The following NIPBL variants were observed in gnomAD, a reference collection of about 807,000 sequenced individuals.
NIPBL encodes NIPBL cohesin loading factor, also known as nipped-B-like protein.
In NIPBL, 19 loss-of-function variants were observed where a neutral mutation model predicts 321.8. That is an observed-to-expected ratio of 0.06 (90% CI 0.04 to 0.09). The LOEUF is 0.09. Among genes scored for constraint, NIPBL ranks in the 10% least tolerant of loss-of-function variants. NIPBL has a pLI of 1.00. For synonymous variants in NIPBL, 1,106 were observed against 1,114.1 expected (o/e 0.99, Z 0.14); for missense variants, 2,210 against 3,327.0 (o/e 0.66, Z 8.26).
intron 1 of NIPBL, among the ~76,000 whole-genome samples, chr5:36,903,119 A>T (rs1747361452): frequency 6.6e-6 from 1 of 152,150 alleles, no homozygotes; most frequent in Non-Finnish European, 1.5e-5. Context: ...TTCGTTTTGT[A>T]TCCTGAAACT....
chr5:37,057,496 T>C (rs1486741130), intron 43 of NIPBL, among the ~76,000 whole-genome samples, 164 bp downstream of exon 43: 1 of 152,266 alleles, frequency 6.6e-6, no homozygotes, highest in Non-Finnish European at 1.5e-5. Flanking sequence ...GGAGAGGATG[T>C]ACATTGCCAC....
chr5:36,942,338 A>G (rs1739175478), intron 1 of NIPBL, among the ~76,000 whole-genome samples: 1 of 150,574 alleles, frequency 6.6e-6, no homozygotes, highest in South Asian at 2.1e-4. Context: ...AGACTGAGGC[A>G]CAAGAATGGC....
At chr5:36,969,701 G>A (rs750940131) in intron 6 of NIPBL, among the ~76,000 whole-genome samples, 2 of 152,112 alleles carry the variant, frequency 1.3e-5, no homozygotes, top group African/African-American at 2.4e-5. Context: ...GATCTGAATG[G>A]CCAGTACACA....
At chr5:36,913,793 T>A (rs1414730612) in intron 1 of NIPBL, among the ~76,000 whole-genome samples, 1 of 152,226 alleles carries the variant, frequency 6.6e-6, no homozygotes, top group Non-Finnish European at 1.5e-5. Context: ...AAAATCGCAT[T>A]CACTGTATAG....
rs1753694041 is a variant in NIPBL, at chr5:37,052,677, T to TTAAGTG, written c.7263+113_7263+118dup. 9.9e-6 allele frequency: 8 copies of TTAAGTG among 810,174 alleles called. No individual in the cohort carries two copies. The South Asian group carries it at 1.3e-4, about 13-fold the overall frequency. 50.2% of individuals were successfully genotyped at this position (810,174 alleles called of 1,614,324 possible). A position where few individuals can be genotyped will look rare whatever the true frequency, so the allele number is the denominator to read the frequency against. On this transcript the variant is annotated intron_variant, in intron 42 of 46. Transcript: ENST00000282516. ...TTATTAGTATATGATAGTAACTTCA[T>TTAAGTG]TAAGTGTTTTCTTAATCTTCTAAGT...
At chr5:36,914,509 T>A (rs1748305039) in intron 1 of NIPBL, among the ~76,000 whole-genome samples, 1 of 152,216 alleles carries the variant, frequency 6.6e-6, no homozygotes, top group South Asian at 2.1e-4. Flanking sequence ...GTCAAAACTT[T>A]AATGCGCAAA....
At chr5:37,056,454 G>T (rs1003828096) in intron 42 of NIPBL, among the ~76,000 whole-genome samples, 1 of 152,010 alleles carries the variant, frequency 6.6e-6, no homozygotes, top group African/African-American at 2.4e-5. Flanking sequence ...TGAAATGCTT[G>T]AATTCTCTAT....
rs767960596 is a variant in NIPBL, at chr5:36,906,689, G to A, written c.-80+29511G>A. Among the ~76,000 whole-genome samples, 161 of 152,074 alleles carry A rather than the reference G, an allele frequency of 1.1e-3. 1 individual carries two copies. The highest frequency in any genetic ancestry group is 2.1e-3 in the Non-Finnish European group (140 of 68,016). On this transcript the variant is annotated intron_variant, in intron 1 of 46. Coordinates refer to ENST00000282516, the MANE Select transcript of NIPBL (RefSeq NM_133433.4). ...TTGTTGCAATCTGAGCTTTTATTTT[G>A]TCAAAGTCTAGTTATCTTATTAAGT...
At chr5:36,935,350 C>T (rs1167697573) in intron 1 of NIPBL, among the ~76,000 whole-genome samples, 1 of 152,092 alleles carries the variant, frequency 6.6e-6, no homozygotes, top group African/African-American at 2.4e-5. Context: ...ATTTGTCCTC[C>T]TATTCTTTGT....
chr5:36,892,803 G>C (rs953037951), intron 1 of NIPBL, among the ~76,000 whole-genome samples: 2 of 151,940 alleles, frequency 1.3e-5, no homozygotes, highest in Non-Finnish European at 2.9e-5. Context: ...TGGGGGGAGT[G>C]GGGAGGGATA....
In NIPBL at chr5:36,976,152, T is replaced by C. The variant is rs764973232; in HGVS notation, c.1245T>C (p.Asn415=). The C allele has an allele frequency of 3.7e-6, 6 of 1,613,458 alleles. No individual in the cohort carries two copies. ...ITPQDINRPL[N]AAQCLSQQEQ... ...CACAAGATATAAACCGCCCACTAAA[T>C]GCTGCTCAATGTTTGTCGCAGCAAG... Residue 415 remains asparagine, a synonymous_variant, in exon 9 of 47, where the codon AAT becomes AAC. Coordinates refer to ENST00000282516, the MANE Select transcript of NIPBL (RefSeq NM_133433.4).
intron 31 of NIPBL, among the ~76,000 whole-genome samples, chr5:37,026,800 C>CG (rs568188930): frequency 7.6e-4 from 115 of 151,784 alleles, no homozygotes; most frequent in African/African-American, 2.2e-3. Flanking sequence ...GAGTCTGAGA[C>CG]GGGGGATCAA....
chr5:37,008,823 A>AT (rs775785623), intron 20 of NIPBL, 100 bp downstream of exon 20: 4 of 752,324 alleles, frequency 5.3e-6, no homozygotes, highest in Non-Finnish European at 9.5e-6. Context: ...TATTTTAATA[A>AT]TTAAAAACTA....
chr5:37,014,576 T>G, intron 21 of NIPBL, 107 bp from the exon 22 acceptor site: 1 of 707,142 alleles, frequency 1.4e-6, no homozygotes, highest in Non-Finnish European at 2.5e-6. Context: ...AGTTTAAGCA[T>G]TTTAGTATTT....
At chr5:36,882,397 A>G (rs1745575755) in intron 1 of NIPBL, among the ~76,000 whole-genome samples, 1 of 151,946 alleles carries the variant, frequency 6.6e-6, no homozygotes, top group South Asian at 2.1e-4. Context: ...AAAGTTGAAT[A>G]TGAAATTGAA....
intron 1 of NIPBL, among the ~76,000 whole-genome samples, chr5:36,892,305 T>C (rs931922069): frequency 6.6e-6 from 1 of 152,112 alleles, no homozygotes; most frequent in Non-Finnish European, 1.5e-5. Flanking sequence ...CTGGAGAGGA[T>C]GTGGAGAAAT....
chr5:37,019,459 A>C (rs1749375264), intron 25 of NIPBL, 59 bp downstream of exon 25: 14 of 1,263,120 alleles, frequency 1.1e-5, no homozygotes, highest in Non-Finnish European at 1.6e-5. Flanking sequence ...TGGGTTTAAG[A>C]AAATTGGGAG....
chr5:36,908,648 A>G (rs991681131), intron 1 of NIPBL, among the ~76,000 whole-genome samples: 1 of 152,226 alleles, frequency 6.6e-6, no homozygotes, highest in Non-Finnish European at 1.5e-5. Flanking sequence ...CATTAAAAAA[A>G]AATCTGTAAG....
At chr5:36,990,563 A>T (rs1171146212) in intron 10 of NIPBL, among the ~76,000 whole-genome samples, 1 of 152,180 alleles carries the variant, frequency 6.6e-6, no homozygotes, top group Non-Finnish European at 1.5e-5. Context: ...TCAAATTTTC[A>T]GTTTCTGTAA....
Sources: allele counts gnomAD v4.1 joint callset (sites outside exome capture counted in the v4.1 genomes callset), GRCh38; gene constraint gnomAD v4.1.1; transcripts MANE v1.5; gene names NCBI Gene and HGNC (gene_info 2026-07-23, HGNC 2026-07-21).